MAF: variants seen among roughly 807,000 people sequenced by gnomAD.
The protein encoded by MAF is MAF bZIP transcription factor, also known as transcription factor Maf.
MAF carries 10 observed loss-of-function variants against 22.0 expected under a neutral mutation model. That is an observed-to-expected ratio of 0.45 (90% confidence interval 0.28 to 0.77). MAF has a LOEUF of 0.77. MAF is among the 30% of genes least tolerant of loss of function. The pLI, the probability that MAF is intolerant of heterozygous loss-of-function variation, is 0.12. For missense variants in MAF, 544 were observed against 548.4 expected, an observed-to-expected ratio of 0.99 and a Z score of 0.08; for synonymous variants, 337 against 255.8, an observed-to-expected ratio of 1.32 and a Z score of -3.03.
the MAF span, among the ~76,000 whole-genome samples, chr16:79,365,372 C>A: frequency 6.6e-6 from 1 of 152,132 alleles, no homozygotes; most frequent in Non-Finnish European, 1.5e-5. Flanking sequence ...GGATTCCTGA[C>A]TAGAAAGTGG....
the MAF span, chr16:79,212,212 A>G: frequency 2.8e-6 from 4 of 1,439,034 alleles, no homozygotes; most frequent in East Asian, 2.5e-5. Context: ...TAGGGAAGAA[A>G]AAGCAAGTGT....
chr16:79,275,670 G>T, the MAF span, among the ~76,000 whole-genome samples: 1 of 152,150 alleles, frequency 6.6e-6, no homozygotes, highest in Non-Finnish European at 1.5e-5. Context: ...TGGAATACAT[G>T]CTGCTTTTTT....
At chr16:79,255,614 C>A in the MAF span, among the ~76,000 whole-genome samples, 28 of 152,340 alleles carry the variant, frequency 1.8e-4, no homozygotes, top group Non-Finnish European at 3.4e-4. Flanking sequence ...GGGTCACAGA[C>A]AACCCCTTCT....
the MAF span, among the ~76,000 whole-genome samples, chr16:79,574,310 A>G: frequency 1.3e-5 from 2 of 152,228 alleles, no homozygotes; most frequent in African/African-American, 4.8e-5. Context: ...CCAATCACAC[A>G]GTAAATAAGT....
chr16:79,325,097 A>G, the MAF span, among the ~76,000 whole-genome samples: 5 of 152,176 alleles, frequency 3.3e-5, no homozygotes, highest in African/African-American at 1.2e-4. Flanking sequence ...GATGGTCTCA[A>G]CTTGAGACCC....
At chr16:79,532,388 C>T in the MAF span, among the ~76,000 whole-genome samples, 1 of 152,136 alleles carries the variant, frequency 6.6e-6, no homozygotes, top group Non-Finnish European at 1.5e-5. Flanking sequence ...AGATGAGTTT[C>T]ACTACATAAA....
At chr16:79,257,110 G>C in the MAF span, among the ~76,000 whole-genome samples, 1 of 152,138 alleles carries the variant, frequency 6.6e-6, no homozygotes, top group African/African-American at 2.4e-5. Flanking sequence ...TCAGGAGATG[G>C]AGGTTGCAGT....
chr16:79,400,790 T>A, the MAF span, among the ~76,000 whole-genome samples: 1 of 152,272 alleles, frequency 6.6e-6, no homozygotes, highest in Non-Finnish European at 1.5e-5. Context: ...TTGGCCATCA[T>A]GTTTGTGAAA....
chr16:79,332,773 A>G, the MAF span, among the ~76,000 whole-genome samples: 1 of 152,186 alleles, frequency 6.6e-6, no homozygotes, highest in African/African-American at 2.4e-5. Flanking sequence ...CAGCCTACAC[A>G]AGAGGAAAGC....
the MAF span, among the ~76,000 whole-genome samples, chr16:79,483,349 G>A: frequency 6.9e-6 from 1 of 145,690 alleles, no homozygotes; most frequent in Non-Finnish European, 1.5e-5. Context: ...GGATACAATG[G>A]CAGAGAAGGG....
chr16:79,339,123 G>T, the MAF span, among the ~76,000 whole-genome samples: 1 of 151,632 alleles, frequency 6.6e-6, no homozygotes, highest in South Asian at 2.1e-4. Flanking sequence ...AGGCTGGAGC[G>T]CAGTGGCACC....
At chr16:79,542,696 G>C in the MAF span, among the ~76,000 whole-genome samples, 1 of 152,188 alleles carries the variant, frequency 6.6e-6, no homozygotes, top group African/African-American at 2.4e-5. Flanking sequence ...GCACTGATGG[G>C]CAAGCTGGGT....
the MAF span, among the ~76,000 whole-genome samples, chr16:79,308,411 G>C: frequency 2.0e-5 from 3 of 152,248 alleles, no homozygotes; most frequent in African/African-American, 2.4e-5. Context: ...TTAACAGCCT[G>C]TGTGGCTGCA....
Position 79,600,065 on chromosome 16 carries a change from C to G in MAF, c.-163G>C. On this transcript the variant is annotated 5_prime_UTR_variant, in exon 1 of 2. Transcript: ENST00000326043. ...GGCCCGAAACCTCCGAGCGCGCTCA[C>G]ACACACACCCCCCCGCCCTGCCCGC... is the stretch of plus-strand genomic sequence containing the variant. 1 of 892,178 alleles carries G rather than the reference C, an allele frequency of 1.1e-6. No homozygotes were observed. 55.3% of individuals were successfully genotyped at this position (892,178 alleles called of 1,614,324 possible).
the MAF span, among the ~76,000 whole-genome samples, chr16:79,470,789 T>C: frequency 1.3e-5 from 2 of 152,184 alleles, no homozygotes; most frequent in Non-Finnish European, 2.9e-5. Context: ...GGTGGATGGA[T>C]GGGTGAACGG....
At chr16:79,514,243 T>G in the MAF span, among the ~76,000 whole-genome samples, 1 of 152,256 alleles carries the variant, frequency 6.6e-6, no homozygotes, top group Non-Finnish European at 1.5e-5. Flanking sequence ...GGAAGGGACC[T>G]TGAACGCGCA....
At chr16:79,309,213 G>C in the MAF span, among the ~76,000 whole-genome samples, 1 of 152,108 alleles carries the variant, frequency 6.6e-6, no homozygotes, top group African/African-American at 2.4e-5. Context: ...TGTAATGGTA[G>C]GGAGTTTCCC....
the MAF span, among the ~76,000 whole-genome samples, chr16:79,276,500 C>T: frequency 6.6e-6 from 1 of 152,180 alleles, no homozygotes; most frequent in Admixed American, 6.5e-5. Flanking sequence ...CATCAAAAAG[C>T]ACAAATGTGT....
chr16:79,356,675 C>T, the MAF span, among the ~76,000 whole-genome samples: 1 of 152,170 alleles, frequency 6.6e-6, no homozygotes, highest in Non-Finnish European at 1.5e-5. Context: ...AACACTTCCC[C>T]CCACTTTCCA....
Sources: allele counts gnomAD v4.1 joint callset (sites outside exome capture counted in the v4.1 genomes callset), GRCh38; gene constraint gnomAD v4.1.1; transcripts MANE v1.5; gene names NCBI Gene and HGNC (gene_info 2026-07-23, HGNC 2026-07-21).